HEMK2: variants seen among roughly 807,000 people sequenced by gnomAD.
HEMK2 encodes methyltransferase HEMK2.
chr21:28,712,326 A>G, the HEMK2 span, among the ~76,000 whole-genome samples: 1 of 152,232 alleles, frequency 6.6e-6, no homozygotes, highest in African/African-American at 2.4e-5. Flanking sequence ...CCCAACTTCA[A>G]TCAGAGGGTA....
the HEMK2 span, among the ~76,000 whole-genome samples, chr21:28,636,663 CT>C: frequency 6.6e-6 from 1 of 152,120 alleles, no homozygotes; most frequent in African/African-American, 2.4e-5. Context: ...AAAAGGAGTA[CT>C]TTTTTGTCCG....
At chr21:28,845,630 TTTC>T in the HEMK2 span, among the ~76,000 whole-genome samples, 1 of 151,606 alleles carries the variant, frequency 6.6e-6, no homozygotes, top group South Asian at 2.1e-4. Context: ...TGCAGTTTCT[TTTC>T]TTGTTTGATT....
At chr21:28,670,422 G>A in the HEMK2 span, among the ~76,000 whole-genome samples, 1 of 152,124 alleles carries the variant, frequency 6.6e-6, no homozygotes, top group Non-Finnish European at 1.5e-5. Context: ...CATCTCCAGA[G>A]TCCATTTTCT....
chr21:28,845,930 G>A, the HEMK2 span, among the ~76,000 whole-genome samples: 1 of 152,058 alleles, frequency 6.6e-6, no homozygotes, highest in Admixed American at 6.6e-5. Flanking sequence ...GGTAGTTTTA[G>A]AATCCAAACC....
At chr21:28,637,486 T>A in the HEMK2 span, among the ~76,000 whole-genome samples, 2 of 152,002 alleles carry the variant, frequency 1.3e-5, no homozygotes, top group South Asian at 4.2e-4. Flanking sequence ...TCCCCATGTG[T>A]TGCTCTCAAC....
At chr21:28,723,955 C>T in the HEMK2 span, among the ~76,000 whole-genome samples, 1 of 152,106 alleles carries the variant, frequency 6.6e-6, no homozygotes, top group South Asian at 2.1e-4. Context: ...GTAACTTTGA[C>T]CATCAGAAAG....
At chr21:28,758,768 T>C in the HEMK2 span, among the ~76,000 whole-genome samples, 2 of 152,150 alleles carry the variant, frequency 1.3e-5, no homozygotes, top group African/African-American at 4.8e-5. Context: ...ACAGGTTACC[T>C]AAAAATAACT....
At chr21:28,808,629 T>C in the HEMK2 span, among the ~76,000 whole-genome samples, 2 of 152,094 alleles carry the variant, frequency 1.3e-5, no homozygotes, top group Non-Finnish European at 2.9e-5. Flanking sequence ...TATATCTTTA[T>C]GTTATTATAA....
At chr21:28,622,663 C>G in the HEMK2 span, among the ~76,000 whole-genome samples, 1 of 152,102 alleles carries the variant, frequency 6.6e-6, no homozygotes, top group African/African-American at 2.4e-5. Flanking sequence ...ACAGAGGCCT[C>G]AGAAATAATA....
chr21:28,846,940 T>C, the HEMK2 span, among the ~76,000 whole-genome samples: 1 of 152,192 alleles, frequency 6.6e-6, no homozygotes, highest in African/African-American at 2.4e-5. Context: ...TCCAACTCCA[T>C]GCATGTTACT....
the HEMK2 span, among the ~76,000 whole-genome samples, chr21:28,797,218 T>C: frequency 6.6e-6 from 1 of 152,046 alleles, no homozygotes; most frequent in African/African-American, 2.4e-5. Flanking sequence ...TGAATGCACA[T>C]TGCACTCCTG....
At chr21:28,716,570 C>T in the HEMK2 span, among the ~76,000 whole-genome samples, 1 of 152,170 alleles carries the variant, frequency 6.6e-6, no homozygotes, top group Non-Finnish European at 1.5e-5. Context: ...CAAATCATAT[C>T]ATGAGCAAAC....
chr21:28,876,417 T>C, the HEMK2 span: 1 of 1,610,724 alleles, frequency 6.2e-7, no homozygotes, highest in Admixed American at 1.7e-5. Flanking sequence ...ACTGAAAGAG[T>C]TTCTTGGCCT....
the HEMK2 span, among the ~76,000 whole-genome samples, chr21:28,661,758 C>G: frequency 6.6e-6 from 1 of 152,134 alleles, no homozygotes; most frequent in Non-Finnish European, 1.5e-5. Flanking sequence ...CTGTCCAATA[C>G]AGTAGCCAGT....
At chr21:28,672,627 C>A in the HEMK2 span, among the ~76,000 whole-genome samples, 10 of 152,042 alleles carry the variant, frequency 6.6e-5, no homozygotes, top group Non-Finnish European at 1.3e-4. Flanking sequence ...CCAGTGTACA[C>A]CCCTCCTTTA....
chr21:28,786,586 A>T, the HEMK2 span, among the ~76,000 whole-genome samples: 1 of 151,598 alleles, frequency 6.6e-6, no homozygotes, highest in Non-Finnish European at 1.5e-5. Flanking sequence ...CACAAGAATC[A>T]CTTAAACCCA....
the HEMK2 span, among the ~76,000 whole-genome samples, chr21:28,806,673 G>C: frequency 1.1e-4 from 17 of 152,170 alleles, no homozygotes; most frequent in Non-Finnish European, 2.1e-4. Flanking sequence ...AGGGAAAATG[G>C]GACAGACATA....
chr21:28,660,560 A>T, the HEMK2 span, among the ~76,000 whole-genome samples: 3 of 151,646 alleles, frequency 2.0e-5, no homozygotes, highest in African/African-American at 7.3e-5. Flanking sequence ...GATGGACTAC[A>T]TTGGTTTATG....
At chr21:28,716,733 T>C in the HEMK2 span, among the ~76,000 whole-genome samples, 12 of 152,216 alleles carry the variant, frequency 7.9e-5, no homozygotes, top group Non-Finnish European at 1.8e-4. Flanking sequence ...CATTCAGTAC[T>C]GGCTGTGGGT....
Sources: gnomAD v4.1 joint callset for allele counts (sites outside exome capture counted in the v4.1 genomes callset) on GRCh38, gnomAD v4.1.1 for gene constraint, MANE v1.5 for transcripts, NCBI Gene and HGNC (gene_info 2026-07-23, HGNC 2026-07-21) for gene names.